TAFA1: variants seen among roughly 807,000 people sequenced by gnomAD.
TAFA1 encodes chemokine-like protein TAFA-1.
TAFA1 carries 4 observed loss-of-function variants against 18.5 expected under a neutral mutation model. The ratio of observed to expected loss-of-function variants is 0.22; its 90% CI spans 0.11 to 0.49. The LOEUF (loss-of-function observed/expected upper bound fraction) is 0.49. TAFA1 is among the 20% of genes least tolerant of loss of function. TAFA1 has a pLI of 0.98. For missense variants in TAFA1, 147 were observed against 169.0 expected (o/e 0.87, Z 0.72); for synonymous variants, 56 against 55.2 (o/e 1.01, Z -0.06).
At chr3:68,480,963 T>A (rs1215505994) in intron 3 of TAFA1, among the ~76,000 whole-genome samples, 2 of 152,184 alleles carry the variant, frequency 1.3e-5, no homozygotes, top group Non-Finnish European at 2.9e-5. Flanking sequence ...CTTGGTTCTC[T>A]CGTTCTCTCT....
intron 2 of TAFA1, among the ~76,000 whole-genome samples, chr3:68,213,268 A>G (rs1392101620): frequency 6.6e-6 from 1 of 152,130 alleles, no homozygotes; most frequent in Non-Finnish European, 1.5e-5. Context: ...TTTAAAAGGG[A>G]AAAATCAAAC....
intron 2 of TAFA1, among the ~76,000 whole-genome samples, chr3:68,070,311 C>A (rs1466078942): frequency 1.3e-5 from 2 of 152,222 alleles, no homozygotes; most frequent in Non-Finnish European, 1.5e-5. Flanking sequence ...GGGACTTGCA[C>A]CCTCTGAAGC....
At chr3:68,149,526 T>A (rs967250003) in intron 2 of TAFA1, among the ~76,000 whole-genome samples, 1 of 152,108 alleles carries the variant, frequency 6.6e-6, no homozygotes, top group African/African-American at 2.4e-5. Flanking sequence ...ATCCAGTGTG[T>A]GGAGACAGAG....
At chr3:68,318,390 A>G (rs1275422860) in intron 2 of TAFA1, among the ~76,000 whole-genome samples, 2 of 152,168 alleles carry the variant, frequency 1.3e-5, no homozygotes, top group Non-Finnish European at 2.9e-5. Flanking sequence ...CCTAAATCTA[A>G]AGGAGGGTAA....
At chr3:68,470,446 C>G (rs775884101) in intron 3 of TAFA1, among the ~76,000 whole-genome samples, 6 of 152,088 alleles carry the variant, frequency 3.9e-5, no homozygotes, top group Admixed American at 2.0e-4. Flanking sequence ...CAGAAGAAGA[C>G]AGAAAAATGT....
intron 2 of TAFA1, among the ~76,000 whole-genome samples, chr3:68,382,833 A>G (rs1019343014): frequency 6.6e-6 from 1 of 152,196 alleles, no homozygotes; most frequent in East Asian, 1.9e-4. Context: ...GTCTTCCTAT[A>G]CAAGAGTATG....
chr3:68,472,074 T>C (rs1342405904), intron 3 of TAFA1, among the ~76,000 whole-genome samples: 3 of 152,088 alleles, frequency 2.0e-5, no homozygotes, highest in Non-Finnish European at 4.4e-5. Context: ...GACATGAGAT[T>C]TGGGGGGGAC....
chr3:68,095,033 C>G (rs1006193464), intron 2 of TAFA1, among the ~76,000 whole-genome samples: 1 of 152,140 alleles, frequency 6.6e-6, no homozygotes, highest in South Asian at 2.1e-4. Flanking sequence ...ATGGAAATGG[C>G]CTGTGACCCT....
chr3:68,049,932 TACTCCCATAAATGGC>T (rs2064446775), intron 2 of TAFA1, among the ~76,000 whole-genome samples: 1 of 152,150 alleles, frequency 6.6e-6, no homozygotes, highest in South Asian at 2.1e-4. Flanking sequence ...AATACTCAGA[TACTCCCATAAATGGC>T]TGTTCTGTGG....
At chr3:68,298,205 A>G (rs545869707) in intron 2 of TAFA1, among the ~76,000 whole-genome samples, 1 of 152,328 alleles carries the variant, frequency 6.6e-6, no homozygotes, top group South Asian at 2.1e-4. Context: ...GGTAGCAGCC[A>G]GAGGTGGACA....
intron 2 of TAFA1, among the ~76,000 whole-genome samples, chr3:68,190,993 T>G (rs1352845978): frequency 6.6e-6 from 1 of 151,828 alleles, no homozygotes; most frequent in Non-Finnish European, 1.5e-5. Flanking sequence ...ACTTATGTTT[T>G]AAAAACCTTA....
chr3:68,279,669 TTCAAATAGAAATC>T (rs2067863119), intron 2 of TAFA1, among the ~76,000 whole-genome samples: 1 of 152,152 alleles, frequency 6.6e-6, no homozygotes, highest in African/African-American at 2.4e-5. Flanking sequence ...AATTTCCCAT[TTCAAATAGAAATC>T]TCATAAAAGC....
At chr3:68,024,113 T>G (rs1704759880) in intron 2 of TAFA1, among the ~76,000 whole-genome samples, 1 of 152,202 alleles carries the variant, frequency 6.6e-6, no homozygotes, top group South Asian at 2.1e-4. Flanking sequence ...ATTCAGTAAG[T>G]AGGTGATATT....
At chr3:68,207,272 T>A (rs1438263384) in intron 2 of TAFA1, among the ~76,000 whole-genome samples, 1 of 151,862 alleles carries the variant, frequency 6.6e-6, no homozygotes, top group African/African-American at 2.4e-5. Context: ...AAGCAGAGCC[T>A]CAAGATCCTA....
At chr3:68,487,518 C>G (rs892845527) in intron 3 of TAFA1, among the ~76,000 whole-genome samples, 1 of 151,826 alleles carries the variant, frequency 6.6e-6, no homozygotes, top group African/African-American at 2.4e-5. Context: ...GAGGCCGAGG[C>G]GGGCGGATCA....
the TAFA1 span, among the ~76,000 whole-genome samples, chr3:67,996,867 C>T: frequency 6.6e-6 from 1 of 151,832 alleles, no homozygotes; most frequent in Non-Finnish European, 1.5e-5. Flanking sequence ...GCTACTTTGC[C>T]TAATTATATG....
intron 2 of TAFA1, among the ~76,000 whole-genome samples, chr3:68,231,607 G>C (rs951518353): frequency 6.6e-6 from 1 of 151,646 alleles, no homozygotes; most frequent in Non-Finnish European, 1.5e-5. Context: ...TGATCCACCC[G>C]CCTCGGCCTC....
At chr3:68,265,727 A>G (rs1043582826) in intron 2 of TAFA1, among the ~76,000 whole-genome samples, 2 of 152,160 alleles carry the variant, frequency 1.3e-5, no homozygotes, top group African/African-American at 4.8e-5. Flanking sequence ...CAAGATACTC[A>G]GATCCGTTCA....
chr3:68,272,667 T>A (rs1348310512), intron 2 of TAFA1, among the ~76,000 whole-genome samples: 1 of 152,128 alleles, frequency 6.6e-6, no homozygotes, highest in African/African-American at 2.4e-5. Context: ...AGTTTCCTCA[T>A]CTATGAAAGA....
Sources: allele counts gnomAD v4.1 joint callset (sites outside exome capture counted in the v4.1 genomes callset), GRCh38; gene constraint gnomAD v4.1.1; transcripts MANE v1.5; gene names NCBI Gene and HGNC (gene_info 2026-07-23, HGNC 2026-07-21).